Variants in MLXIPL observed in about 807,000 individuals in gnomAD.
MLXIPL encodes MLX interacting protein like.
MLXIPL carries 49 observed loss-of-function variants against 81.5 expected under a neutral mutation model. The observed-to-expected ratio is 0.60, with a 90% CI of 0.48 to 0.76. The LOEUF is 0.76. MLXIPL is among the 30% of genes least tolerant of loss of function. The pLI is 0.00. For synonymous variants in MLXIPL, 466 were observed against 485.5 expected, an observed-to-expected ratio of 0.96 and a Z score of 0.53; for missense variants, 1,053 against 1,167.0, an observed-to-expected ratio of 0.90 and a Z score of 1.42.
At chr7:73,645,830 T>G in the MLXIPL span, among the ~76,000 whole-genome samples, 1 of 152,154 alleles carries the variant, frequency 6.6e-6, no homozygotes, top group Non-Finnish European at 1.5e-5. Context: ...CCAGGCTGTG[T>G]GACCTTGAGC....
At chr7:73,605,151 C>T (rs1316584734) in intron 7 of MLXIPL, among the ~76,000 whole-genome samples, 1 of 152,218 alleles carries the variant, frequency 6.6e-6, no homozygotes, top group Non-Finnish European at 1.5e-5. Flanking sequence ...AGAGTCCCAG[C>T]CTTCACTGCT....
rs1369977150 is a variant in MLXIPL at position 73,623,461 on chromosome 7, G to A, written c.293+739C>T. Among the ~76,000 whole-genome samples the A allele has an allele frequency of 1.3e-5, 2 of 152,086 alleles. No homozygotes were observed. Among genetic ancestry groups the A allele is most frequent in the African/African-American group, 2.4e-5 (1 of 41,412 alleles). On this transcript the variant is annotated intron_variant, in intron 1 of 16. Transcript: ENST00000313375. The surrounding 1 kb of genome is among the most constrained non-coding windows in gnomAD (Gnocchi z 5.7). ...AGCGGGGCGCGGCCTGTGCGCTCTC[G>A]GTGGCACTAAGCGGGGGTCCCAGGC...
chr7:73,629,748 T>C, the MLXIPL span, among the ~76,000 whole-genome samples: 1 of 152,084 alleles, frequency 6.6e-6, no homozygotes, highest in Non-Finnish European at 1.5e-5. Context: ...GGCACGTTCA[T>C]AAATTATTCC....
At position 73,596,422 on chromosome 7, in the gene MLXIPL, C is replaced by T; in HGVS notation, c.1880G>A (p.Ser627Asn). The T allele has an allele frequency of 2.5e-6, 4 of 1,612,880 alleles. No homozygotes were observed. The highest frequency in any genetic ancestry group is 3.4e-6 in the Non-Finnish European group (4 of 1,179,970). Reference sequence around the variant, plus strand: ...GGGTTGCGGGGGAGAGACACGGACGCTCAGAGTCCCAGGGCCTGGCATGGA... The same window carrying T: ...GGGTTGCGGGGGAGAGACACGGACGTTCAGAGTCCCAGGGCCTGGCATGGA... ...LSSMPGPGTL[S>N]VRVSPPQPIL... is the part of the protein sequence containing the mutation. The change falls in exon 12 of 17, where the codon AGC becomes AAC. Residue 627 changes from serine to asparagine, a missense_variant. By Grantham distance (46) the Ser-to-Asn change is conservative. Around this residue, in one of 3 missense-constraint regions of MLXIPL, gnomAD observed 823 missense variants for 933.0 expected, o/e 0.88. Transcript: ENST00000313375. This position sits in a 1 kb window ranked among gnomAD's most constrained non-coding sequence, Gnocchi z 4.7.
rs143707060 is a variant in MLXIPL, at chr7:73,607,600, C to T, written c.473G>A (p.Arg158Gln). 21 of 1,612,984 alleles carry T rather than the reference C, an allele frequency of 1.3e-5. No homozygotes were observed. Among genetic ancestry groups the T allele is most frequent in the African/African-American group, 6.7e-5 (5 of 74,926 alleles). ...PLQGPEADAH[R>Q]KPEAVVLEGN... ...CCAGAACCCAGCTACCTCCGGCTTC[C>T]GGTGCGCATCAGCCTCAGGCCCCTG... Residue 158 changes from arginine (R) to glutamine (Q), a missense_variant, in exon 3 of 17, where the codon CGG becomes CAG. Physicochemically the swap from Arg to Gln is conservative, Grantham distance 43. Around this residue, in one of 3 missense-constraint regions of MLXIPL, gnomAD observed 4 missense variants for 17.8 expected, o/e 0.22. Coordinates refer to ENST00000313375, the MANE Select transcript of MLXIPL (RefSeq NM_032951.3).
At chr7:73,619,588 C>T (rs1796205765) in intron 1 of MLXIPL, among the ~76,000 whole-genome samples, 1 of 151,916 alleles carries the variant, frequency 6.6e-6, no homozygotes, top group African/African-American at 2.4e-5. Context: ...GTGATCACAC[C>T]ACTGCACTCC....
chr7:73,643,020 C>T, the MLXIPL span, among the ~76,000 whole-genome samples: 3 of 152,152 alleles, frequency 2.0e-5, no homozygotes, highest in African/African-American at 4.8e-5. Context: ...TCTGGAGATT[C>T]CAAGGGTTGT....
At chr7:73,607,544 G>GGGTGGGCA (rs781958843) in intron 3 of MLXIPL, 46 bp downstream of exon 3, 52 of 1,597,900 alleles carry the variant, frequency 3.3e-5, no homozygotes, top group African/African-American at 1.2e-4. Flanking sequence ...TGGTCTTGGT[G>GGGTGGGCA]GGTGGGCAGG....
rs1248276271 is a variant in MLXIPL, at chr7:73,597,116, C to A, written c.1603+66G>T. The A allele has an allele frequency of 3.3e-6, 5 of 1,509,378 alleles. No individual in the cohort carries two copies. In the Admixed American group the frequency reaches 5.9e-5, roughly 18 times the overall value. 93.5% of individuals were successfully genotyped at this position (1,509,378 alleles called of 1,614,324 possible). A position where few individuals can be genotyped will look rare whatever the true frequency, so the allele number is the denominator to read the frequency against. On this transcript the variant is annotated intron_variant, in intron 9 of 16. Coordinates refer to ENST00000313375, the MANE Select transcript of MLXIPL (RefSeq NM_032951.3). ...TCACCTTCATCTTCTGCTCCCAAAA[C>A]CCCCTGTCCTCCCCACCCCCTGGCC...
At chr7:73,615,462 C>T (rs1795952982) in intron 2 of MLXIPL, among the ~76,000 whole-genome samples, 1 of 152,166 alleles carries the variant, frequency 6.6e-6, no homozygotes, top group Non-Finnish European at 1.5e-5. Context: ...GGGCTTTGAA[C>T]TGTACCTCAA....
At chr7:73,606,916 C>T (rs954626923) in intron 5 of MLXIPL, 58 bp downstream of exon 5, 5 of 1,587,282 alleles carry the variant, frequency 3.2e-6, no homozygotes, top group Non-Finnish European at 3.4e-6. Flanking sequence ...AACTCTGCCT[C>T]CCATCTACTT....
intron 7 of MLXIPL, among the ~76,000 whole-genome samples, chr7:73,602,199 CTCTCTCTT>C (rs1462399972): frequency 1.8e-5 from 2 of 110,246 alleles, no homozygotes; most frequent in East Asian, 2.8e-4. Flanking sequence ...TCATCTCTCT[CTCTCTCTT>C]TCTCTCTTTC....
the MLXIPL span, among the ~76,000 whole-genome samples, chr7:73,634,890 A>T: frequency 6.6e-6 from 1 of 150,402 alleles, no homozygotes; most frequent in Middle Eastern, 3.6e-3. Flanking sequence ...ATCTTGGCTC[A>T]CTGCAACCTC....
intron 1 of MLXIPL, among the ~76,000 whole-genome samples, chr7:73,617,702 C>T (rs549905017): frequency 4.6e-5 from 7 of 151,968 alleles, no homozygotes; most frequent in East Asian, 1.9e-4. Context: ...TAAAATTAGC[C>T]GGGTGTGGTG....
the MLXIPL span, among the ~76,000 whole-genome samples, chr7:73,641,763 G>A: frequency 1.3e-5 from 2 of 152,096 alleles, no homozygotes; most frequent in Non-Finnish European, 2.9e-5. Context: ...AGCCTCCCAA[G>A]TAGCTGGGAT....
At chr7:73,614,198 C>T (rs1432395019) in intron 2 of MLXIPL, among the ~76,000 whole-genome samples, 1 of 152,116 alleles carries the variant, frequency 6.6e-6, no homozygotes, top group African/African-American at 2.4e-5. Context: ...GCATGGGCAA[C>T]ATGAGCGAAA....
upstream of MLXIPL, among the ~76,000 whole-genome samples, chr7:73,625,175 C>A (rs1252984073): frequency 6.6e-6 from 1 of 152,044 alleles, no homozygotes; most frequent in Non-Finnish European, 1.5e-5. Flanking sequence ...CAGAGTGAGA[C>A]CCTGTCTCCA....
the MLXIPL span, among the ~76,000 whole-genome samples, chr7:73,644,086 C>T: frequency 6.6e-6 from 1 of 152,008 alleles, no homozygotes; most frequent in Non-Finnish European, 1.5e-5. Flanking sequence ...TTTGTAGAGA[C>T]AGGGTCTCAC....
At chr7:73,632,985 T>C in the MLXIPL span, among the ~76,000 whole-genome samples, 1 of 151,998 alleles carries the variant, frequency 6.6e-6, no homozygotes, top group Non-Finnish European at 1.5e-5. Flanking sequence ...TTCCCTATGT[T>C]AGCCAGGCTG....
Sources: gnomAD v4.1 joint callset for allele counts (sites outside exome capture counted in the v4.1 genomes callset) on GRCh38, gnomAD v4.1.1 for gene constraint, gnomAD v4.1.1 regional missense constraint, Gnocchi (gnomAD v3.1) non-coding constraint, MANE v1.5 for transcripts, NCBI Gene and HGNC (gene_info 2026-07-23, HGNC 2026-07-21) for gene names.